Variants in AP3D1 observed in about 807,000 individuals in gnomAD.
The protein encoded by AP3D1 is adaptor related protein complex 3 subunit delta 1.
A neutral mutation model predicts 147.6 loss-of-function variants in AP3D1; 51 were observed. That is an observed-to-expected ratio of 0.35 (90% CI 0.28 to 0.44). The LOEUF is 0.44. Among genes scored for constraint, AP3D1 ranks in the 20% least tolerant of loss-of-function variants. The pLI, the probability that AP3D1 is intolerant of heterozygous loss-of-function variation, is 1.00. For missense variants in AP3D1, 1,421 were observed against 1,624.2 expected, an observed-to-expected ratio of 0.87 and a Z score of 2.15; for synonymous variants, 760 against 663.0, an observed-to-expected ratio of 1.15 and a Z score of -2.25.
intron 18 of AP3D1, 37 bp downstream of exon 18, chr19:2,116,170 G>A (rs1568282274): frequency 1.2e-6 from 2 of 1,605,518 alleles, no homozygotes; most frequent in Non-Finnish European, 1.7e-6. Flanking sequence ...TGAGGGTAGA[G>A]GGTGCTGAGG....
chr19:2,109,253 C>T, intron 29 of AP3D1, 46 bp from the exon 30 acceptor site: 2 of 1,526,716 alleles, frequency 1.3e-6, no homozygotes, highest in Non-Finnish European at 1.8e-6. Flanking sequence ...CCGGGCTCCT[C>T]AGGCTTCCTG....
intron 3 of AP3D1, 118 bp downstream of exon 3, chr19:2,137,609 T>A (rs2019110834): frequency 2.3e-6 from 2 of 876,878 alleles, no homozygotes. Flanking sequence ...TGAATCCACC[T>A]TGGGTAACAG....
chr19:2,133,751 C>T (rs2019008746), intron 4 of AP3D1, among the ~76,000 whole-genome samples: 1 of 151,858 alleles, frequency 6.6e-6, no homozygotes, highest in Non-Finnish European at 1.5e-5. Flanking sequence ...ATCCGCCCGC[C>T]ATGGCCTCCC....
rs1307470378 is a variant in AP3D1, at chr19:2,164,405, C to T, written c.-152G>A. 2.3e-5 allele frequency: 12 copies of T among 514,494 alleles called. No individual in the cohort carries two copies. The Admixed American group carries it at 3.3e-4, about 14-fold the overall frequency. The allele number at this position is 514,494 out of a possible 1,614,324, so 31.9% of individuals were successfully genotyped here. On this transcript the variant is annotated 5_prime_UTR_variant, in exon 1 of 15. Transcript: ENST00000643010. Reference sequence around the variant, plus strand: ...CCTGGACTCCACTGTCGCTGCTCCACCCCCGTTGCTTCCCGGCCGAGGGCC... The same window carrying T: ...CCTGGACTCCACTGTCGCTGCTCCATCCCCGTTGCTTCCCGGCCGAGGGCC...
intron 25 of AP3D1, 150 bp downstream of exon 25, chr19:2,111,529 C>G: frequency 1.6e-6 from 2 of 1,244,074 alleles, no homozygotes; most frequent in Non-Finnish European, 2.2e-6. Context: ...TGTGGGGCTG[C>G]GGGCCAGGGC....
At chr19:2,118,874 C>T (rs200983819) in intron 14 of AP3D1, 42 bp from the exon 15 acceptor site, 32 of 1,566,894 alleles carry the variant, frequency 2.0e-5, no homozygotes, top group East Asian at 1.6e-4. Context: ...ATGCCAATCC[C>T]GGGGCTCCTC....
At chr19:2,129,661 G>A (rs1170912350) in intron 6 of AP3D1, among the ~76,000 whole-genome samples, 2 of 152,234 alleles carry the variant, frequency 1.3e-5, no homozygotes, top group African/African-American at 4.8e-5. Flanking sequence ...CCAGCTCCTG[G>A]CGCTGAGAAA....
intron 1 of AP3D1, chr19:2,164,185 A>C: frequency 3.6e-5 from 41 of 1,139,094 alleles, no homozygotes; most frequent in East Asian, 1.4e-4. Flanking sequence ...GCGCGCGGAC[A>C]TGGGGGAGAA....
In AP3D1 at chr19:2,110,563, G is replaced by A. The variant is rs150880538; in HGVS notation, c.3175+144C>T. ...TCTCAGAGAGCTGTGGCGAGACCCC[G>A]ACACTCAGGAGGTACTGAGGTGCAG... On this transcript the variant is annotated intron_variant, in intron 27 of 31. Transcript: ENST00000643116. 520 of 900,498 alleles carry A rather than the reference G, an allele frequency of 5.8e-4. 2 individuals are homozygous for A. The African/African-American group carries it at 7.9e-3, about 14-fold the overall frequency. 55.8% of individuals were successfully genotyped at this position (900,498 alleles called of 1,614,324 possible).
At chr19:2,102,405 T>C in intron 31 of AP3D1, 137 bp from the exon 32 acceptor site, 1 of 685,516 alleles carries the variant, frequency 1.5e-6, no homozygotes, top group East Asian at 2.7e-5. Flanking sequence ...ACCAGCCTGG[T>C]CAACACGGTG....
intron 1 of AP3D1, among the ~76,000 whole-genome samples, chr19:2,148,999 C>T (rs995258293): frequency 5.3e-5 from 8 of 152,122 alleles, no homozygotes; most frequent in African/African-American, 1.9e-4. Context: ...AGTGGGGGTG[C>T]TGGAGGTACA....
rs1445097329 is a variant in AP3D1, at chr19:2,123,400, C to G, written c.913G>C (p.Val305Leu). ...TCGATCAATATCCTTAATTTCTGAA[C>G]ACAAAGCTGAAAAGAAGAAAAAAAC... is the stretch of plus-strand genomic sequence containing the variant. Reference protein sequence around the residue: ...PNHSASIQLCVQKLRILIEDS... With the variant: ...PNHSASIQLCLQKLRILIEDS... The change falls in exon 11 of 32, where the codon GTT (valine) becomes CTT (leucine). Residue 305 changes from valine to leucine, a missense_variant. This residue lies in a region of AP3D1 where 292 missense variants were observed against 412.0 expected (regional missense o/e 0.71). Coordinates refer to ENST00000643116, the MANE Select transcript of AP3D1 (RefSeq NM_001261826.3). 1.4e-5 allele frequency: 23 copies of G among 1,613,832 alleles called. No homozygotes were observed. The highest frequency in any genetic ancestry group is 1.9e-5 in the Non-Finnish European group (22 of 1,179,990).
At chr19:2,134,600 G>T (rs1417751412) in intron 4 of AP3D1, among the ~76,000 whole-genome samples, 1 of 149,090 alleles carries the variant, frequency 6.7e-6, no homozygotes, top group East Asian at 2.0e-4. Flanking sequence ...AAAAAAGAAA[G>T]AAAATAATTT....
intron 1 of AP3D1, among the ~76,000 whole-genome samples, chr19:2,139,248 C>T (rs932944549): frequency 3.3e-5 from 5 of 151,988 alleles, no homozygotes; most frequent in African/African-American, 1.2e-4. Context: ...TGTTCTGGAA[C>T]TTGGCCGTGG....
chr19:2,117,281 A>G lies in AP3D1; in HGVS notation c.1800T>C (p.Phe600=), dbSNP rs1352923335. The change falls in exon 16 of 32, where the codon TTT becomes TTC. Residue 600 remains phenylalanine, a synonymous_variant. Transcript: ENST00000643116. ...GGGCCACTGGGTTCAGCTCCCCAGC[A>G]AAGAGAGCGCTGACCTCCTCTGCCA... The part of the protein sequence containing the change: ...VPVAEEVSAL[F]AGELNPVAPK... The G allele has an allele frequency of 2.1e-5, 34 of 1,612,742 alleles. No homozygotes were observed. The Admixed American group carries it at 5.7e-4, about 27-fold the overall frequency.
chr19:2,135,015 A>G (rs1447305443), intron 4 of AP3D1, among the ~76,000 whole-genome samples: 1 of 148,798 alleles, frequency 6.7e-6, no homozygotes, highest in Admixed American at 6.7e-5. Flanking sequence ...CCTGGCCAAC[A>G]TGGTGAAACC....
At chr19:2,115,451 T>G in intron 19 of AP3D1, 33 bp from the exon 20 acceptor site, 2 of 1,608,854 alleles carry the variant, frequency 1.2e-6, no homozygotes, top group Admixed American at 3.3e-5. Flanking sequence ...CACTCAGCAC[T>G]GCACCCCAGG....
Position 2,151,342 on chromosome 19 carries a change from G to A in AP3D1, c.-8C>T, listed in dbSNP as rs1358834662. 10 of 1,556,004 alleles carry A rather than the reference G, an allele frequency of 6.4e-6. No individual in the cohort carries two copies. Among genetic ancestry groups the A allele is most frequent in the Non-Finnish European group, 7.8e-6 (9 of 1,148,568 alleles). ...CACCATCTTGAGGGCCATCGCGGCGGCCCACGGGCTTTTGCCTCGGGAGGC... is the reference window on the plus strand; with the variant it reads ...CACCATCTTGAGGGCCATCGCGGCGACCCACGGGCTTTTGCCTCGGGAGGC... On this transcript the variant is annotated 5_prime_UTR_variant, in exon 1 of 32. Coordinates refer to ENST00000643116, the MANE Select transcript of AP3D1 (RefSeq NM_001261826.3).
At chr19:2,110,040 C>A in intron 28 of AP3D1, 82 bp from the exon 29 acceptor site, 1 of 1,588,384 alleles carries the variant, frequency 6.3e-7, no homozygotes, top group South Asian at 1.1e-5. Flanking sequence ...AGGTGGCCCA[C>A]TTCCCCTAGG....
Sources: allele counts gnomAD v4.1 joint callset (sites outside exome capture counted in the v4.1 genomes callset), GRCh38; gene constraint gnomAD v4.1.1; regional missense constraint gnomAD v4.1.1; transcripts MANE v1.5; gene names NCBI Gene and HGNC (gene_info 2026-07-23, HGNC 2026-07-21).